Variants in MAP2K4 observed in about 807,000 individuals in gnomAD.
MAP2K4 encodes mitogen-activated protein kinase kinase 4.
A neutral mutation model predicts 48.5 loss-of-function variants in MAP2K4; 4 were observed. That is an observed-to-expected ratio of 0.08 (90% CI 0.04 to 0.19). The LOEUF (loss-of-function observed/expected upper bound fraction) is 0.19. Among genes scored for constraint, MAP2K4 ranks in the 10% least tolerant of loss-of-function variants. MAP2K4 has a pLI of 1.00. For missense variants in MAP2K4, 258 were observed against 493.3 expected (o/e 0.52, Z 4.52); for synonymous variants, 166 against 173.1 (o/e 0.96, Z 0.32).
intron 9 of MAP2K4, among the ~76,000 whole-genome samples, chr17:12,134,863 C>T (rs1432507961): frequency 6.6e-6 from 1 of 152,184 alleles, no homozygotes; most frequent in Non-Finnish European, 1.5e-5. Flanking sequence ...TCTTGGACAA[C>T]ACTTGCACTG....
chr17:12,103,719 C>A (rs906765244), intron 4 of MAP2K4, among the ~76,000 whole-genome samples: 1 of 151,960 alleles, frequency 6.6e-6, no homozygotes, highest in Non-Finnish European at 1.5e-5. Context: ...TACATAATAT[C>A]GCTTTATGTA....
chr17:12,090,177 CA>C (rs952849898), intron 3 of MAP2K4, among the ~76,000 whole-genome samples: 1 of 152,148 alleles, frequency 6.6e-6, no homozygotes, highest in African/African-American at 2.4e-5. Context: ...GGAATGGGAT[CA>C]GGTAACCCAG....
chr17:12,082,117 G>T, intron 3 of MAP2K4: 1 of 288,206 alleles, frequency 3.5e-6, no homozygotes, highest in South Asian at 3.1e-5. Flanking sequence ...TGTCCTTATT[G>T]TGTCGTGCCA....
At chr17:12,074,674 C>G (rs1260698397) in intron 2 of MAP2K4, among the ~76,000 whole-genome samples, 1 of 152,142 alleles carries the variant, frequency 6.6e-6, no homozygotes, top group Non-Finnish European at 1.5e-5. Flanking sequence ...GTGGGGTTCT[C>G]TTTCTGTGTA....
intron 1 of MAP2K4, among the ~76,000 whole-genome samples, chr17:12,043,984 C>G (rs1969880737): frequency 6.6e-6 from 1 of 151,874 alleles, no homozygotes; most frequent in African/African-American, 2.4e-5. Flanking sequence ...GTGGCCAGCC[C>G]CTATCCTGAA....
rs190139475 is a variant in MAP2K4 at position 12,104,690 on chromosome 17, C to T, written c.514-3100C>T. Among the ~76,000 whole-genome samples the T allele has an allele frequency of 2.2e-3, 338 of 151,912 alleles. 2 individuals are homozygous for T. Among genetic ancestry groups the T allele is most frequent in the African/African-American group, 7.8e-3 (322 of 41,434 alleles). On this transcript the variant is annotated intron_variant, in intron 4 of 10. Transcript: ENST00000353533. ...TACATCCAAATAGATGTTTTTGTCT[C>T]TTATTTTTAAACTTTTGGTATGTTG...
At chr17:12,072,376 G>A (rs776853252) in intron 2 of MAP2K4, among the ~76,000 whole-genome samples, 4 of 152,108 alleles carry the variant, frequency 2.6e-5, no homozygotes, top group African/African-American at 4.8e-5. Flanking sequence ...TGAAGTCTGC[G>A]TTTTCTTTCT....
chr17:12,087,009 G>A (rs1171408512), intron 3 of MAP2K4, among the ~76,000 whole-genome samples: 3 of 151,930 alleles, frequency 2.0e-5, no homozygotes, highest in African/African-American at 7.3e-5. Flanking sequence ...ACCACACCCG[G>A]CCAATTTTTG....
chr17:12,026,959 C>A (rs1173497453), intron 1 of MAP2K4: 2 of 152,140 alleles, frequency 1.3e-5, no homozygotes, highest in Non-Finnish European at 2.9e-5. Context: ...GAAACCATTG[C>A]AGATTTGAAA....
rs1032572754 is a variant in MAP2K4 at position 12,083,598 on chromosome 17, C to T, written c.393+2068C>T. Among the ~76,000 whole-genome samples the T allele has an allele frequency of 3.3e-5, 5 of 152,140 alleles. No homozygotes were observed. The South Asian group carries it at 1.0e-3, about 31-fold the overall frequency. On this transcript the variant is annotated intron_variant, in intron 3 of 10. Transcript: ENST00000353533. ...CAATTAACATATAGTTGAGGAGTACCTTTGGATTCCATGACTTCATTAATA... is the reference window on the plus strand; with the variant it reads ...CAATTAACATATAGTTGAGGAGTACTTTTGGATTCCATGACTTCATTAATA...
At chr17:12,090,271 C>T (rs1197798787) in intron 3 of MAP2K4, among the ~76,000 whole-genome samples, 4 of 152,152 alleles carry the variant, frequency 2.6e-5, no homozygotes, top group African/African-American at 9.7e-5. Context: ...GTAGTTGTCA[C>T]ATCAGGACAC....
chr17:12,058,444 T>C (rs1970352325), intron 2 of MAP2K4, among the ~76,000 whole-genome samples: 1 of 152,138 alleles, frequency 6.6e-6, no homozygotes, highest in South Asian at 2.1e-4. Context: ...TTCTCTCTGA[T>C]CCAGTGTTCT....
intron 3 of MAP2K4, among the ~76,000 whole-genome samples, chr17:12,083,175 GGATT>G (rs1290179921): frequency 1.3e-5 from 2 of 152,152 alleles, no homozygotes; most frequent in Admixed American, 1.3e-4. Context: ...TTAGTAATAT[GGATT>G]GATTTTAGCC....
intron 1 of MAP2K4, among the ~76,000 whole-genome samples, chr17:12,039,892 C>T (rs1376610535): frequency 6.6e-6 from 1 of 152,092 alleles, no homozygotes; most frequent in Non-Finnish European, 1.5e-5. Context: ...TTGAATTTAG[C>T]TGATTGCATC....
At chr17:12,118,960 C>CA (rs1206968836) in intron 7 of MAP2K4, among the ~76,000 whole-genome samples, 3 of 152,132 alleles carry the variant, frequency 2.0e-5, no homozygotes, top group South Asian at 4.2e-4. Flanking sequence ...CTTTTATATG[C>CA]AAAAAATACA....
At chr17:12,055,359 G>A (rs1308409080) in intron 2 of MAP2K4, among the ~76,000 whole-genome samples, 5 of 152,040 alleles carry the variant, frequency 3.3e-5, no homozygotes, top group Non-Finnish European at 5.9e-5. Context: ...TGATATTGTA[G>A]CATCTTAGTG....
chr17:12,128,435 T>C (rs1972924303), intron 8 of MAP2K4, among the ~76,000 whole-genome samples: 1 of 152,220 alleles, frequency 6.6e-6, no homozygotes, highest in African/African-American at 2.4e-5. Flanking sequence ...AGAATACGAT[T>C]CACTGGTTAT....
In MAP2K4 at chr17:12,109,569, G is replaced by T. The variant is rs28923219; in HGVS notation, c.634-806G>T. 1.7e-3 allele frequency among the ~76,000 whole-genome samples: 266 copies of T among 152,252 alleles called. 1 individual carries two copies. Among genetic ancestry groups the T allele is most frequent in the African/African-American group, 6.1e-3 (254 of 41,554 alleles). The stretch of plus-strand genomic sequence containing the variant: ...TGTCTCTTTTCCTTCCCTTCCTGAA[G>T]AAATGTGTAATTTTCTGATCATGAT... On this transcript the variant is annotated intron_variant, in intron 5 of 10. Transcript: ENST00000353533.
chr17:12,124,687 T>A (rs1972797694), intron 7 of MAP2K4: 1 of 152,294 alleles, frequency 6.6e-6, no homozygotes, highest in East Asian at 1.9e-4. Flanking sequence ...TTTTTAATTT[T>A]TTTTTTGAGA....
Sources: gnomAD v4.1 joint callset for allele counts (sites outside exome capture counted in the v4.1 genomes callset) on GRCh38, gnomAD v4.1.1 for gene constraint, MANE v1.5 for transcripts, NCBI Gene and HGNC (gene_info 2026-07-23, HGNC 2026-07-21) for gene names.